Variants in ABAT observed in about 807,000 individuals in gnomAD.
ABAT encodes the protein 4-aminobutyrate aminotransferase, mitochondrial.
Under a neutral mutation model 64.6 loss-of-function variants are expected in ABAT, and 45 were observed. That is an observed-to-expected ratio of 0.70 (90% confidence interval 0.55 to 0.89). The LOEUF is 0.89. Among genes scored for constraint, ABAT ranks in the 40% least tolerant of loss-of-function variants. The pLI is 0.00. For synonymous variants in ABAT, 297 were observed against 250.5 expected, an observed-to-expected ratio of 1.19 and a Z score of -1.75; for missense variants, 633 against 658.4, an observed-to-expected ratio of 0.96 and a Z score of 0.42.
At chr16:8,768,450 G>A (rs939137461) in intron 10 of ABAT, among the ~76,000 whole-genome samples, 194 bp downstream of exon 10, 1 of 152,178 alleles carries the variant, frequency 6.6e-6, no homozygotes, top group African/African-American at 2.4e-5. Flanking sequence ...GAATTTCCAA[G>A]GCTATTCAGT....
intron 1 of ABAT, among the ~76,000 whole-genome samples, chr16:8,709,238 C>CT (rs34006471): frequency 0.59 from 88,347 of 150,910 alleles, 27,019 homozygotes; most frequent in East Asian, 0.85. Context: ...TATTATTTAT[C>CT]TTTTTTCAAC....
chr16:8,720,784 C>T (rs951586765), intron 1 of ABAT: 2 of 152,270 alleles, frequency 1.3e-5, no homozygotes, highest in African/African-American at 4.8e-5. Flanking sequence ...ATGTCCTCAG[C>T]GTCTGCCAGC....
At chr16:8,703,400 G>A (rs1023835276) in intron 1 of ABAT, among the ~76,000 whole-genome samples, 6 of 151,766 alleles carry the variant, frequency 4.0e-5, no homozygotes, top group African/African-American at 1.2e-4. Flanking sequence ...AGGTTGCAGT[G>A]AACCAAAATC....
intron 2 of ABAT, among the ~76,000 whole-genome samples, chr16:8,745,650 T>C (rs547928815): frequency 1.6e-4 from 25 of 152,118 alleles, no homozygotes; most frequent in Admixed American, 2.6e-4. Flanking sequence ...GTGAGCCTTG[T>C]TGGGGCCAAT....
intron 1 of ABAT, among the ~76,000 whole-genome samples, chr16:8,680,984 AT>A (rs35351214): frequency 0.097 from 14,070 of 145,622 alleles, 766 homozygotes; most frequent in Middle Eastern, 0.14. Context: ...TTATTTATCT[AT>A]TTTTTTTTTT....
At chr16:8,711,383 C>T (rs145667488) in intron 1 of ABAT, among the ~76,000 whole-genome samples, 1 of 152,152 alleles carries the variant, frequency 6.6e-6, no homozygotes, top group African/African-American at 2.4e-5. Context: ...GAGGGTGGAG[C>T]CCAGAGCTAC....
At chr16:8,757,315 G>A (rs1012811997) in intron 5 of ABAT, 7 of 371,360 alleles carry the variant, frequency 1.9e-5, no homozygotes, top group African/African-American at 8.5e-5. Context: ...TTACAGGCAC[G>A]TGCTACCTCG....
intron 1 of ABAT, chr16:8,715,210 T>G (rs7193087): frequency 0.18 from 27,488 of 152,100 alleles, 2,852 homozygotes; most frequent in African/African-American, 0.27. Context: ...AAAACGCCAA[T>G]GTCTTTTAAA....
intron 1 of ABAT, among the ~76,000 whole-genome samples, chr16:8,724,825 C>T (rs12445987): frequency 0.81 from 121,217 of 150,428 alleles, 49,453 homozygotes; most frequent in Non-Finnish European, 0.88. Context: ...AAGAATAAGT[C>T]TGTGTGATCA....
chr16:8,748,159 T>A, intron 4 of ABAT, 22 bp downstream of exon 4: 1 of 1,608,822 alleles, frequency 6.2e-7, no homozygotes, highest in Middle Eastern at 1.7e-4. Flanking sequence ...GGAGGTAACT[T>A]TCCTTCTGTT....
intron 1 of ABAT, among the ~76,000 whole-genome samples, chr16:8,689,986 A>G (rs530741390): frequency 6.6e-6 from 1 of 152,302 alleles, no homozygotes; most frequent in African/African-American, 2.4e-5. Context: ...GTCACCTTGA[A>G]TATTCCAGAT....
chr16:8,734,890 G>A (rs1177699208), intron 1 of ABAT, among the ~76,000 whole-genome samples: 1 of 152,002 alleles, frequency 6.6e-6, no homozygotes, highest in Non-Finnish European at 1.5e-5. Flanking sequence ...TGGGGGATAG[G>A]GGCTGCTCCA....
At chr16:8,686,122 GTTTT>G (rs1395843658) in intron 1 of ABAT, among the ~76,000 whole-genome samples, 184 of 152,374 alleles carry the variant, frequency 1.2e-3, no homozygotes, top group African/African-American at 4.2e-3. Context: ...GGACAGGGCT[GTTTT>G]GTGCACGGGA....
At chr16:8,716,562 C>T (rs2058221590) in intron 1 of ABAT, among the ~76,000 whole-genome samples, 1 of 152,144 alleles carries the variant, frequency 6.6e-6, no homozygotes, top group Non-Finnish European at 1.5e-5. Flanking sequence ...CACAGGGTCC[C>T]GTGTTCAGAA....
intron 1 of ABAT, among the ~76,000 whole-genome samples, chr16:8,729,033 A>G (rs1268442226): frequency 1.3e-5 from 2 of 152,158 alleles, no homozygotes; most frequent in East Asian, 3.9e-4. Flanking sequence ...GGGGCCGGGC[A>G]CGGTGGCTCA....
At chr16:8,738,056 C>A (rs1486575775) in intron 2 of ABAT, among the ~76,000 whole-genome samples, 1 of 146,968 alleles carries the variant, frequency 6.8e-6, no homozygotes, top group Non-Finnish European at 1.5e-5. Flanking sequence ...GACAGTGGCT[C>A]ACAGCTGTAA....
chr16:8,767,618 T>G (rs2059981773), intron 9 of ABAT, among the ~76,000 whole-genome samples: 1 of 152,156 alleles, frequency 6.6e-6, no homozygotes, highest in Admixed American at 6.5e-5. Context: ...GTCCAAACAG[T>G]GCAGCACTGG....
intron 1 of ABAT, among the ~76,000 whole-genome samples, chr16:8,693,936 C>A (rs947558302): frequency 6.6e-6 from 1 of 152,212 alleles, no homozygotes; most frequent in African/African-American, 2.4e-5. Context: ...ACGGCACCAT[C>A]TTACTAACCC....
intron 6 of ABAT, chr16:8,760,266 G>A (rs2059759744): frequency 6.6e-6 from 1 of 152,184 alleles, no homozygotes; most frequent in African/African-American, 2.4e-5. Context: ...CGCCAACACG[G>A]GGTATCACTG....
Sources: gnomAD v4.1 joint callset for allele counts (sites outside exome capture counted in the v4.1 genomes callset) on GRCh38, gnomAD v4.1.1 for gene constraint, MANE v1.5 for transcripts, NCBI Gene and HGNC (gene_info 2026-07-23, HGNC 2026-07-21) for gene names.